The following NRAP variants were observed in gnomAD, a reference collection of about 807,000 sequenced individuals.
NRAP encodes nebulin related anchoring protein.
A neutral mutation model predicts 225.9 loss-of-function variants in NRAP; 189 were observed. The observed-to-expected ratio is 0.84, with a 90% confidence interval of 0.74 to 0.94. The LOEUF (loss-of-function observed/expected upper bound fraction) is 0.94, where lower values mean the gene tolerates loss of function less well. Among genes scored for constraint, NRAP ranks in the 40% least tolerant of loss-of-function variants. The probability of loss-of-function intolerance (pLI) is 0.00; values close to 1 mark genes in which losing one functional copy is unlikely to be tolerated. For synonymous variants in NRAP, 769 were observed against 790.7 expected (o/e 0.97, Z 0.46); for missense variants, 2,176 against 2,168.7 (o/e 1.00, Z -0.07).
At chr10:113,655,558 C>A (rs1159102602) in intron 4 of NRAP, among the ~76,000 whole-genome samples, 1 of 151,710 alleles carries the variant, frequency 6.6e-6, no homozygotes, top group Admixed American at 6.6e-5. Context: ...TGGGTTCAAG[C>A]AATTCTCCTG....
intron 31 of NRAP, among the ~76,000 whole-genome samples, chr10:113,609,610 TCATATACAGCTGC>T (rs1265955813): frequency 6.6e-6 from 1 of 152,202 alleles, no homozygotes; most frequent in Non-Finnish European, 1.5e-5. Context: ...AGTAACCATT[TCATATACAGCTGC>T]CAGAAAAGCA....
chr10:113,642,332 A>G (rs1039873165), intron 12 of NRAP, among the ~76,000 whole-genome samples: 13 of 152,154 alleles, frequency 8.5e-5, no homozygotes, highest in African/African-American at 2.9e-4. Flanking sequence ...ACATTTATGC[A>G]AAATAAATTC....
chr10:113,663,545 A>G, intron 1 of NRAP, 99 bp from the exon 2 acceptor site: 2 of 782,660 alleles, frequency 2.6e-6, no homozygotes, highest in Non-Finnish European at 4.2e-6. Context: ...CGAGGATAAA[A>G]TGCTGATTTT....
chr10:113,592,291 C>A lies in NRAP; in HGVS notation c.4547G>T (p.Arg1516Ile), dbSNP rs767460054. 9.3e-6 allele frequency: 15 copies of A among 1,610,676 alleles called. No homozygotes were observed. In the South Asian group the frequency reaches 1.7e-4, roughly 18 times the overall value. ...NALHLSDKVYRNSWEQTRAGS... is the reference protein window; with the variant it reads ...NALHLSDKVYINSWEQTRAGS... Reference sequence around the variant, plus strand: ...AGCCCGGGTCTGCTCCCAGGAGTTTCTGTAGACTTTCTAGATTGGAAAAAC... The same window carrying A: ...AGCCCGGGTCTGCTCCCAGGAGTTTATGTAGACTTTCTAGATTGGAAAAAC... Residue 1516 changes from arginine to isoleucine, a missense_variant, in exon 39 of 42, where the codon AGA (arginine) becomes ATA (isoleucine). Transcript: ENST00000359988.
chr10:113,663,849 C>A lies in NRAP; in HGVS notation c.34G>T (p.Gly12Trp). 3 of 1,613,954 alleles carry A rather than the reference C, an allele frequency of 1.9e-6. No homozygotes were observed. The highest frequency in any genetic ancestry group is 2.5e-6 in the Non-Finnish European group (3 of 1,179,872). ...CTGATCTTCTCGGCAGGATAAACCC[C>A]ATACCCACACCTAGAACAGGGCTGC... The part of the protein sequence containing the change: ...NVQPCSRCGY[G>W]VYPAEKISCI... Residue 12 changes from glycine (G) to tryptophan (W), a missense_variant, in exon 1 of 42, where the codon GGG becomes TGG. Around this residue, in one of 3 missense-constraint regions of NRAP, gnomAD observed 1,708 missense variants for 1,695.5 expected, o/e 1.01. Transcript: ENST00000359988.
Position 113,604,605 on chromosome 10 carries a change from C to T in NRAP, c.4227+4G>A, listed in dbSNP as rs1846818988. The T allele has an allele frequency of 1.2e-6, 2 of 1,611,156 alleles. No individual in the cohort carries two copies. The highest frequency in any genetic ancestry group is 1.7e-6 in the Non-Finnish European group (2 of 1,177,684). The stretch of plus-strand genomic sequence containing the variant: ...TGGTTTGCATTCCACAAGGCCACCC[C>T]TACCTCACTCTGCAGGGCATGGGCT... On this transcript the variant is annotated splice_donor_region_variant and intron_variant, in intron 35 of 41. Coordinates refer to ENST00000359988, the MANE Select transcript of NRAP (RefSeq NM_198060.4).
chr10:113,610,504 C>G lies in NRAP; in HGVS notation c.3558G>C (p.Thr1186=), dbSNP rs755651666. Residue 1186 remains threonine (T), a synonymous_variant, in exon 31 of 42, where the codon ACG becomes ACC. Transcript: ENST00000359988. ...MRGVACVIPG[T]LEIEGRKKAS... ...CTTTCTTCCTCCCTTCAATCTCTAA[C>G]GTGCCTGGAATGACACATGCAACAC... 3.7e-6 allele frequency: 6 copies of G among 1,604,682 alleles called. No individual in the cohort carries two copies. Among genetic ancestry groups the G allele is most frequent in the Non-Finnish European group, 5.1e-6 (6 of 1,171,300 alleles).
intron 24 of NRAP, among the ~76,000 whole-genome samples, chr10:113,621,530 T>C (rs983945565): frequency 1.3e-5 from 2 of 152,130 alleles, no homozygotes; most frequent in African/African-American, 4.8e-5. Context: ...GGGTGAGTTA[T>C]CAGCGATGCT....
At chr10:113,631,742 A>T in intron 17 of NRAP, 115 bp downstream of exon 17, 1 of 887,674 alleles carries the variant, frequency 1.1e-6, no homozygotes, top group Non-Finnish European at 1.8e-6. Context: ...CCAGAAGAAG[A>T]TTAAAGTATT....
At chr10:113,589,840 T>C in intron 40 of NRAP, 43 bp from the exon 41 acceptor site, 1 of 1,601,316 alleles carries the variant, frequency 6.2e-7, no homozygotes. Flanking sequence ...TCAGCAGGGT[T>C]TGGAGCGGTT....
rs1361407483 is a variant in NRAP at position 113,650,084 on chromosome 10, C to T, written c.841G>A (p.Gly281Arg). Reference sequence around the variant, plus strand: ...TCCCTTGTCAAGATGCCCTCAGCTCCAATGGCTGGACCAGCCATTCCCCTC... The same window carrying T: ...TCCCTTGTCAAGATGCCCTCAGCTCTAATGGCTGGACCAGCCATTCCCCTC... The part of the protein sequence containing the change: ...EMRGMAGPAI[G>R]AEGILTRECA... The change falls in exon 9 of 42, where the codon GGA (glycine) becomes AGA (arginine). Residue 281 changes from glycine (G) to arginine (R), a missense_variant. Gly to Arg is a moderately radical substitution (Grantham distance 125). This residue lies in a region of NRAP where 1,708 missense variants were observed against 1,695.5 expected (regional missense o/e 1.01). Coordinates refer to ENST00000359988, the MANE Select transcript of NRAP (RefSeq NM_198060.4). 1.2e-6 allele frequency: 2 copies of T among 1,612,796 alleles called. No homozygotes were observed. Among genetic ancestry groups the T allele is most frequent in the Non-Finnish European group, 8.5e-7 (1 of 1,178,802 alleles).
At chr10:113,596,356 T>G (rs1846285538) in intron 37 of NRAP, among the ~76,000 whole-genome samples, 1 of 152,202 alleles carries the variant, frequency 6.6e-6, no homozygotes, top group Non-Finnish European at 1.5e-5. Flanking sequence ...GAAACTGTAA[T>G]ATTCCGATCA....
At chr10:113,621,649 A>G (rs1261028057) in intron 24 of NRAP, among the ~76,000 whole-genome samples, 1 of 152,124 alleles carries the variant, frequency 6.6e-6, no homozygotes, top group African/African-American at 2.4e-5. Context: ...GGAAAAAGTA[A>G]CTCTATGATT....
chr10:113,614,764 G>T (rs1847542212), intron 28 of NRAP, 75 bp downstream of exon 28: 17 of 871,046 alleles, frequency 2.0e-5, no homozygotes, highest in South Asian at 1.9e-4. Context: ...GCAAAAGAAG[G>T]CAGGAGTTAC....
intron 12 of NRAP, 67 bp from the exon 13 acceptor site, chr10:113,641,539 A>T: frequency 1.2e-6 from 1 of 865,662 alleles, no homozygotes; most frequent in Non-Finnish European, 2.0e-6. Context: ...TAAACTACTC[A>T]TCTTAATGCA....
In NRAP at chr10:113,629,720, G is replaced by A. The variant is rs372126033; in HGVS notation, c.1908C>T (p.Asn636=). 1.2e-6 allele frequency: 2 copies of A among 1,613,866 alleles called. No individual in the cohort carries two copies. Among genetic ancestry groups the A allele is most frequent in the Non-Finnish European group, 1.7e-6 (2 of 1,179,776 alleles). ...TRFHLPMDMV[N]IRHAKKAQTL... ...TTTGGGCCTTCTTAGCATGCCTGATGTTTACCATATCCATGGGCAGGTGAA... is the reference window on the plus strand; with the variant it reads ...TTTGGGCCTTCTTAGCATGCCTGATATTTACCATATCCATGGGCAGGTGAA... The change falls in exon 19 of 42, where the codon AAC becomes AAT. Residue 636 remains asparagine, a synonymous_variant. Transcript: ENST00000359988.
intron 4 of NRAP, among the ~76,000 whole-genome samples, chr10:113,656,456 G>A (rs1850313000): frequency 6.6e-6 from 1 of 152,182 alleles, no homozygotes; most frequent in Non-Finnish European, 1.5e-5. Context: ...AGGACCTCCT[G>A]AGGCTGTCGT....
At position 113,605,798 on chromosome 10, in the gene NRAP, G is replaced by A. The variant is rs756718731; in HGVS notation, c.3879C>T (p.Phe1293=). 4 of 1,613,996 alleles carry A rather than the reference G, an allele frequency of 2.5e-6. No homozygotes were observed. The highest frequency in any genetic ancestry group is 3.4e-6 in the Non-Finnish European group (4 of 1,179,844). Residue 1293 remains phenylalanine, a synonymous_variant, in exon 34 of 42, where the codon TTC becomes TTT. Coordinates refer to ENST00000359988, the MANE Select transcript of NRAP (RefSeq NM_198060.4). ...GYKLTIEALP[F]QAARASGDIA... ...TATCTCCAGAGGCCCGGGCAGCCTG[G>A]AAGGGGAGCGCTTCTATTGTCAGCT...
chr10:113,610,421 A>G, intron 31 of NRAP, 38 bp downstream of exon 31: 1 of 938,482 alleles, frequency 1.1e-6, no homozygotes, highest in Non-Finnish European at 1.8e-6. Flanking sequence ...TCTGCTGTGG[A>G]AATGTCCTGG....
Sources: gnomAD v4.1 joint callset for allele counts (sites outside exome capture counted in the v4.1 genomes callset) on GRCh38, gnomAD v4.1.1 for gene constraint, gnomAD v4.1.1 regional missense constraint, MANE v1.5 for transcripts, NCBI Gene and HGNC (gene_info 2026-07-23, HGNC 2026-07-21) for gene names.